XKR9: variants seen among roughly 807,000 people sequenced by gnomAD.
XKR9 encodes XK-related protein 9.
A neutral mutation model predicts 32.0 loss-of-function variants in XKR9; 32 were observed. That is an observed-to-expected ratio of 1.00 (90% confidence interval 0.76 to 1.34). XKR9 has a LOEUF of 1.34. Ranked by LOEUF, XKR9 falls within the 40% of genes most tolerant of loss-of-function variation. The pLI, the probability that XKR9 is intolerant of heterozygous loss-of-function variation, is 0.00. For synonymous variants in XKR9, 168 were observed against 143.4 expected (o/e 1.17, Z -1.22); for missense variants, 546 against 429.7 (o/e 1.27, Z -2.39).
At chr8:71,050,856 C>G in the XKR9 span, among the ~76,000 whole-genome samples, 12 of 152,250 alleles carry the variant, frequency 7.9e-5, 1 homozygote, top group Admixed American at 4.6e-4. Context: ...GCCATCTGTT[C>G]TAGGAGCGAT....
At chr8:70,673,858 T>A (rs1818797654) in intron 1 of XKR9, among the ~76,000 whole-genome samples, 5 of 152,210 alleles carry the variant, frequency 3.3e-5, no homozygotes, top group Admixed American at 3.3e-4. Flanking sequence ...AGATCAAATA[T>A]TTTTCACGTT....
At chr8:71,036,920 G>A in the XKR9 span, among the ~76,000 whole-genome samples, 2 of 146,838 alleles carry the variant, frequency 1.4e-5, no homozygotes, top group Admixed American at 1.4e-4. Flanking sequence ...TGTTGCCCAG[G>A]CTGGTCTGCT....
At chr8:70,766,062 G>T (rs1451677574) in intron 2 of XKR9, among the ~76,000 whole-genome samples, 1 of 152,014 alleles carries the variant, frequency 6.6e-6, no homozygotes, top group Non-Finnish European at 1.5e-5. Flanking sequence ...TGTTCTTTTT[G>T]CTTAGGATTG....
chr8:70,814,079 G>T, the XKR9 span, among the ~76,000 whole-genome samples: 2 of 152,300 alleles, frequency 1.3e-5, no homozygotes, highest in South Asian at 4.2e-4. Flanking sequence ...TTAAGAAAAT[G>T]TGGCACATAT....
At chr8:70,791,273 A>C (rs1807760985), downstream of XKR9, among the ~76,000 whole-genome samples, 1 of 151,840 alleles carries the variant, frequency 6.6e-6, no homozygotes, top group Admixed American at 6.6e-5. Context: ...CCAGGAGTTC[A>C]AGACCAACCT....
At chr8:70,710,604 G>A (rs1382672104) in intron 4 of XKR9, among the ~76,000 whole-genome samples, 2 of 152,172 alleles carry the variant, frequency 1.3e-5, no homozygotes. Context: ...TCAGGAGGCT[G>A]AGGCAGGAGA....
intron 2 of XKR9, among the ~76,000 whole-genome samples, chr8:70,762,825 T>C (rs2130212431): frequency 6.6e-6 from 1 of 152,304 alleles, no homozygotes; most frequent in South Asian, 2.1e-4. Flanking sequence ...ATAATTCGGC[T>C]ACTAGTAATG....
At chr8:70,846,065 C>T in the XKR9 span, among the ~76,000 whole-genome samples, 1 of 152,036 alleles carries the variant, frequency 6.6e-6, no homozygotes, top group Admixed American at 6.6e-5. Flanking sequence ...AGCATCTAGT[C>T]ACATAAAAGG....
chr8:71,028,026 G>C, the XKR9 span, among the ~76,000 whole-genome samples: 1 of 152,092 alleles, frequency 6.6e-6, no homozygotes, highest in Non-Finnish European at 1.5e-5. Context: ...CTGCCACCTT[G>C]GCCTTCCAAA....
chr8:70,897,723 T>C, the XKR9 span, among the ~76,000 whole-genome samples: 1 of 152,180 alleles, frequency 6.6e-6, no homozygotes. Flanking sequence ...TTAAATAGGA[T>C]TATTAGATTT....
At chr8:70,867,573 T>G in the XKR9 span, among the ~76,000 whole-genome samples, 1 of 152,170 alleles carries the variant, frequency 6.6e-6, no homozygotes, top group African/African-American at 2.4e-5. Context: ...TGCCTCAGCC[T>G]CCCAAGTAGC....
At chr8:70,938,092 G>C in the XKR9 span, among the ~76,000 whole-genome samples, 1 of 151,980 alleles carries the variant, frequency 6.6e-6, no homozygotes, top group Non-Finnish European at 1.5e-5. Flanking sequence ...TTTCAGTGCT[G>C]TTATCAGTTT....
At chr8:70,815,742 G>A in the XKR9 span, among the ~76,000 whole-genome samples, 13 of 151,902 alleles carry the variant, frequency 8.6e-5, no homozygotes, top group African/African-American at 3.1e-4. Context: ...AGCCAGGATG[G>A]TCTCGATCTC....
the XKR9 span, among the ~76,000 whole-genome samples, chr8:70,907,177 G>A: frequency 2.0e-5 from 3 of 151,928 alleles, no homozygotes; most frequent in Non-Finnish European, 4.4e-5. Context: ...TTTATGTTTT[G>A]CCTGCTAGTG....
intron 2 of XKR9, among the ~76,000 whole-genome samples, chr8:70,776,527 T>A (rs971922915): frequency 6.6e-6 from 1 of 152,030 alleles, no homozygotes; most frequent in Non-Finnish European, 1.5e-5. Flanking sequence ...TGTGATAAAC[T>A]CCCTGGGGTT....
At chr8:71,050,886 T>G in the XKR9 span, among the ~76,000 whole-genome samples, 43 of 152,344 alleles carry the variant, frequency 2.8e-4, no homozygotes, top group African/African-American at 9.6e-4. Context: ...CAGTGCTTTT[T>G]GAACAGAAAG....
intron 2 of XKR9, among the ~76,000 whole-genome samples, chr8:70,759,444 CT>C: frequency 6.6e-6 from 1 of 152,184 alleles, no homozygotes; most frequent in East Asian, 1.9e-4. Context: ...GATTTTCCTC[CT>C]TTTTATTGTG....
At chr8:70,960,778 A>G in the XKR9 span, among the ~76,000 whole-genome samples, 2 of 151,846 alleles carry the variant, frequency 1.3e-5, no homozygotes, top group South Asian at 2.1e-4. Context: ...AGGCTGAGGC[A>G]GGAGGATCCC....
the XKR9 span, among the ~76,000 whole-genome samples, chr8:71,039,799 A>G: frequency 2.0e-5 from 3 of 152,188 alleles, no homozygotes; most frequent in African/African-American, 7.2e-5. Flanking sequence ...GGGGAAGGGG[A>G]TTGTGATGAA....
Sources: allele counts gnomAD v4.1 joint callset (sites outside exome capture counted in the v4.1 genomes callset), GRCh38; gene constraint gnomAD v4.1.1; transcripts MANE v1.5; gene names NCBI Gene and HGNC (gene_info 2026-07-23, HGNC 2026-07-21).